EML6: variants seen among roughly 807,000 people sequenced by gnomAD.
The protein encoded by EML6 is echinoderm microtubule-associated protein-like 6.
Under a neutral mutation model 240.1 loss-of-function variants are expected in EML6, and 154 were observed. The observed-to-expected ratio is 0.64, with a 90% CI of 0.56 to 0.73. The LOEUF is 0.73. EML6 is among the 30% of genes least tolerant of loss of function. The pLI, the probability that EML6 is intolerant of heterozygous loss-of-function variation, is 0.00. For synonymous variants in EML6, 1,148 were observed against 899.0 expected (o/e 1.28, Z -4.95); for missense variants, 2,964 against 2,474.6 (o/e 1.20, Z -4.20).
intron 17 of EML6, among the ~76,000 whole-genome samples, chr2:54,889,855 C>G (rs545501563): frequency 6.6e-6 from 1 of 152,196 alleles, no homozygotes; most frequent in Non-Finnish European, 1.5e-5. Flanking sequence ...CATTAAGTAA[C>G]AGTCCTTGGA....
intron 11 of EML6, among the ~76,000 whole-genome samples, chr2:54,858,266 G>T (rs960972959): frequency 3.3e-5 from 5 of 152,226 alleles, no homozygotes; most frequent in Admixed American, 3.3e-4. Context: ...CAGCAAGGCA[G>T]AATCTGCAGT....
In EML6 at chr2:54,789,532, A is replaced by AAAAAAAAAAAAAAAAAG. The variant is rs1558549420; in HGVS notation, c.198-23694_198-23678dup. Among the ~76,000 whole-genome samples, 189 of 143,380 alleles carry AAAAAAAAAAAAAAAAAG rather than the reference A, an allele frequency of 1.3e-3. 1 individual carries two copies. Among genetic ancestry groups the AAAAAAAAAAAAAAAAAG allele is most frequent in the Non-Finnish European group, 2.0e-3 (132 of 64,850 alleles). The allele number at this position is 143,380 out of a possible 152,430, so 94.1% of individuals were successfully genotyped here. The stretch of plus-strand genomic sequence containing the variant: ...TCGTCTCAAAAAAAAAAAAAAAAAA[A>AAAAAAAAAAAAAAAAAG]AAAAAAAAAAAAAAAAGAAAAAGAA... On this transcript the variant is annotated intron_variant, in intron 2 of 41. Transcript: ENST00000356458.
At chr2:54,810,909 A>T (rs1427021858) in intron 2 of EML6, among the ~76,000 whole-genome samples, 2 of 152,182 alleles carry the variant, frequency 1.3e-5, no homozygotes, top group Non-Finnish European at 2.9e-5. Context: ...TAGTTAGGCC[A>T]TCTTTTCCCA....
chr2:54,759,018 A>T (rs926365685), intron 2 of EML6, among the ~76,000 whole-genome samples: 1 of 151,904 alleles, frequency 6.6e-6, no homozygotes, highest in African/African-American at 2.4e-5. Context: ...AAAAATAGGG[A>T]TGGAGTGCTT....
intron 2 of EML6, among the ~76,000 whole-genome samples, chr2:54,727,828 A>G (rs1010059165): frequency 1.3e-5 from 2 of 152,214 alleles, no homozygotes; most frequent in Non-Finnish European, 2.9e-5. Context: ...TTTGCCAAGA[A>G]TATTAACTAG....
intron 5 of EML6, among the ~76,000 whole-genome samples, chr2:54,822,881 A>C (rs1432555577): frequency 6.6e-6 from 1 of 152,220 alleles, no homozygotes; most frequent in Non-Finnish European, 1.5e-5. Flanking sequence ...TCCACTACTC[A>C]AAAGTGTAAC....
chr2:54,892,412 G>T (rs1207844324), intron 18 of EML6, 42 bp from the exon 19 acceptor site: 1 of 1,389,750 alleles, frequency 7.2e-7, no homozygotes, highest in South Asian at 1.3e-5. Flanking sequence ...TATAGGAAGT[G>T]CCAGATTTTA....
intron 2 of EML6, among the ~76,000 whole-genome samples, chr2:54,798,771 C>A (rs1248078201): frequency 6.6e-6 from 1 of 152,122 alleles, no homozygotes; most frequent in Non-Finnish European, 1.5e-5. Flanking sequence ...AATCTTTATA[C>A]CTTTTATTTA....
At chr2:54,857,512 G>A (rs10169905) in intron 11 of EML6, among the ~76,000 whole-genome samples, 82,503 of 152,124 alleles carry the variant, frequency 0.54, 23,188 homozygotes, top group African/African-American at 0.67. Flanking sequence ...CCCTGCCCTC[G>A]TGGAGCTTTT....
At chr2:54,940,961 G>A (rs1192825610) in intron 28 of EML6, among the ~76,000 whole-genome samples, 5 of 152,170 alleles carry the variant, frequency 3.3e-5, no homozygotes, top group Non-Finnish European at 7.4e-5. Context: ...ATGAAACAAA[G>A]AACATGCTCA....
At chr2:54,829,542 A>G (rs1220624780) in intron 7 of EML6, 65 bp downstream of exon 7, 13 of 1,350,814 alleles carry the variant, frequency 9.6e-6, no homozygotes, top group East Asian at 5.1e-5. Context: ...TTCTGTATTC[A>G]TATTTGTTTC....
chr2:54,944,147 C>T (rs1479205327), intron 28 of EML6, among the ~76,000 whole-genome samples: 1 of 152,130 alleles, frequency 6.6e-6, no homozygotes, highest in Non-Finnish European at 1.5e-5. Flanking sequence ...TATATCCCAC[C>T]CATTGGCTAG....
In EML6 at chr2:54,952,662, T is replaced by C; in HGVS notation, c.4282T>C (p.Tyr1428His). ...LCLTVNQHPK[Y>H]RNVVATSQIG... ...TCTCACAGTGAACCAGCACCCCAAG[T>C]ACAGAAACGTGGTGGCCACCAGCCA... The change falls in exon 31 of 42, where the codon TAC becomes CAC. Residue 1428 changes from tyrosine to histidine, a missense_variant. Physicochemically the swap from Tyr to His is moderately conservative, Grantham distance 83. Coordinates refer to ENST00000356458, the MANE Select transcript of EML6 (RefSeq NM_001039753.4). The C allele has an allele frequency of 6.4e-7, 1 of 1,551,330 alleles. No homozygotes were observed. Among genetic ancestry groups the C allele is most frequent in the Non-Finnish European group, 8.7e-7 (1 of 1,146,868 alleles).
intron 2 of EML6, among the ~76,000 whole-genome samples, chr2:54,781,722 T>C (rs928472366): frequency 6.6e-6 from 1 of 152,162 alleles, no homozygotes; most frequent in African/African-American, 2.4e-5. Context: ...CAGGCTGGAG[T>C]GCAGTGGTGC....
intron 16 of EML6, among the ~76,000 whole-genome samples, chr2:54,874,810 T>C (rs546502972): frequency 3.3e-5 from 5 of 152,304 alleles, no homozygotes; most frequent in African/African-American, 9.6e-5. Context: ...TTTAATAATA[T>C]AGTTTGAGTC....
intron 5 of EML6, among the ~76,000 whole-genome samples, chr2:54,821,536 A>C (rs1334300767): frequency 6.6e-6 from 1 of 152,162 alleles, no homozygotes; most frequent in Non-Finnish European, 1.5e-5. Context: ...ATTTCCCTTT[A>C]AATTATCCTA....
intron 11 of EML6, among the ~76,000 whole-genome samples, chr2:54,856,237 C>G (rs1303693947): frequency 2.0e-5 from 3 of 152,162 alleles, no homozygotes; most frequent in African/African-American, 7.2e-5. Context: ...ACCACTTAGA[C>G]TATATCCTGT....
intron 26 of EML6, among the ~76,000 whole-genome samples, chr2:54,919,709 G>C (rs1192497819): frequency 6.6e-6 from 1 of 152,300 alleles, no homozygotes; most frequent in African/African-American, 2.4e-5. Context: ...TTTTGGAGCA[G>C]CTATTTAGAT....
chr2:54,826,172 C>G (rs1572959317), intron 5 of EML6, among the ~76,000 whole-genome samples: 1 of 152,182 alleles, frequency 6.6e-6, no homozygotes, highest in African/African-American at 2.4e-5. Flanking sequence ...CTTCAGTGAG[C>G]TACTTCTGTT....
Sources: gnomAD v4.1 joint callset for allele counts (sites outside exome capture counted in the v4.1 genomes callset) on GRCh38, gnomAD v4.1.1 for gene constraint, MANE v1.5 for transcripts, NCBI Gene and HGNC (gene_info 2026-07-23, HGNC 2026-07-21) for gene names.